Variants in MYMX observed in about 807,000 individuals in gnomAD.
MYMX encodes protein myomixer.
chr6:44,216,055 C>G (rs1479238782), upstream of MYMX, among the ~76,000 whole-genome samples: 3 of 152,170 alleles, frequency 2.0e-5, no homozygotes, highest in Non-Finnish European at 4.4e-5. Context: ...AGGGGGAATG[C>G]CACCCAGCTG....
At chr6:44,201,217 G>A in the MYMX span, among the ~76,000 whole-genome samples, 8 of 152,262 alleles carry the variant, frequency 5.3e-5, no homozygotes, top group African/African-American at 1.9e-4. Context: ...CCTCACTCAG[G>A]TAGGTGGTTT....
the MYMX span, among the ~76,000 whole-genome samples, chr6:44,200,965 C>T: frequency 6.6e-6 from 1 of 152,154 alleles, no homozygotes; most frequent in South Asian, 2.1e-4. Context: ...AACAACTGTT[C>T]TTGTGGATTG....
rs1000851430 is a variant in MYMX, at chr6:44,217,742, C to A, written c.*16C>A. Reference sequence around the variant, plus strand: ...CCAAAAGTGAGGCCACAAGTCCTGGCAGCAGCTGTATCCACAAAATGCTTT... The same window carrying A: ...CCAAAAGTGAGGCCACAAGTCCTGGAAGCAGCTGTATCCACAAAATGCTTT... On this transcript the variant is annotated 3_prime_UTR_variant, in exon 2 of 2. Coordinates refer to ENST00000573382, the MANE Select transcript of MYMX (RefSeq NM_001315494.2). 1 of 401,008 alleles carries A rather than the reference C, an allele frequency of 2.5e-6. No individual in the cohort carries two copies. The highest frequency in any genetic ancestry group is 4.4e-6 in the Non-Finnish European group (1 of 226,434). 24.8% of individuals were successfully genotyped at this position (401,008 alleles called of 1,614,324 possible).
chr6:44,216,671 AAG>A (rs1425182794), upstream of MYMX, among the ~76,000 whole-genome samples: 17,884 of 128,440 alleles, frequency 0.14, 1,523 homozygotes, highest in Middle Eastern at 0.25. Context: ...AAAAAAAAAA[AAG>A]AAGAAGAGAA....
At chr6:44,213,167 C>T (rs1385635453), upstream of MYMX, among the ~76,000 whole-genome samples, 4 of 152,112 alleles carry the variant, frequency 2.6e-5, no homozygotes, top group Admixed American at 6.5e-5. Flanking sequence ...GGGTGGATCA[C>T]GAGGTCAAGA....
the MYMX span, among the ~76,000 whole-genome samples, chr6:44,211,283 A>G: frequency 6.6e-6 from 1 of 152,270 alleles, no homozygotes; most frequent in Non-Finnish European, 1.5e-5. Context: ...ATGTGTAGTT[A>G]AAACTAGAAA....
upstream of MYMX, among the ~76,000 whole-genome samples, chr6:44,216,142 C>T (rs1177846311): frequency 2.6e-5 from 4 of 152,202 alleles, no homozygotes; most frequent in African/African-American, 9.6e-5. Flanking sequence ...CAGGGGCCTG[C>T]TTGGGTCCTA....
upstream of MYMX, among the ~76,000 whole-genome samples, chr6:44,214,927 C>T (rs769311205): frequency 6.6e-6 from 1 of 152,088 alleles, no homozygotes; most frequent in Non-Finnish European, 1.5e-5. Flanking sequence ...ATGTGTGTAC[C>T]CAATGCACCT....
the MYMX span, among the ~76,000 whole-genome samples, chr6:44,204,907 A>G: frequency 4.6e-5 from 7 of 152,204 alleles, no homozygotes; most frequent in Non-Finnish European, 8.8e-5. Flanking sequence ...AAGAACTTAG[A>G]AGGGTACCAA....
the MYMX span, among the ~76,000 whole-genome samples, chr6:44,197,474 A>T: frequency 3.3e-5 from 5 of 152,220 alleles, no homozygotes; most frequent in Admixed American, 6.5e-5. Flanking sequence ...CGGAGGTTGC[A>T]GTGAGCTGAG....
the MYMX span, among the ~76,000 whole-genome samples, chr6:44,202,206 C>T: frequency 1.3e-5 from 2 of 152,150 alleles, no homozygotes; most frequent in Admixed American, 1.3e-4. Context: ...TGTGTCTGTC[C>T]TCTTCACCAT....
At chr6:44,201,039 G>A in the MYMX span, among the ~76,000 whole-genome samples, 9 of 152,068 alleles carry the variant, frequency 5.9e-5, no homozygotes, top group Non-Finnish European at 1.2e-4. Context: ...GGCCCATTTT[G>A]CTCATGTCTT....
the MYMX span, among the ~76,000 whole-genome samples, chr6:44,199,208 AT>A: frequency 1.3e-5 from 2 of 151,718 alleles, no homozygotes. Context: ...TTCATTATTT[AT>A]TTTAGAGACA....
chr6:44,196,132 AGG>A, the MYMX span, among the ~76,000 whole-genome samples: 1 of 152,042 alleles, frequency 6.6e-6, no homozygotes, highest in Non-Finnish European at 1.5e-5. Flanking sequence ...TAGTAGAGAC[AGG>A]GTTTCACTAT....
upstream of MYMX, among the ~76,000 whole-genome samples, chr6:44,213,667 G>A (rs74738532): frequency 9.9e-5 from 15 of 152,228 alleles, no homozygotes; most frequent in East Asian, 1.9e-3. Flanking sequence ...TGATCTGCCC[G>A]CCTTGGCCTC....
upstream of MYMX, among the ~76,000 whole-genome samples, chr6:44,214,089 T>C (rs1031521501): frequency 6.6e-6 from 1 of 152,224 alleles, no homozygotes; most frequent in Non-Finnish European, 1.5e-5. Context: ...CTGAGTGAGA[T>C]GTGAGCCATT....
chr6:44,216,751 T>TC (rs561651535), upstream of MYMX, among the ~76,000 whole-genome samples: 24 of 150,870 alleles, frequency 1.6e-4, no homozygotes, highest in Middle Eastern at 3.5e-3. Context: ...TTCCCTCTCC[T>TC]CCCCCTAGAC....
the MYMX span, among the ~76,000 whole-genome samples, chr6:44,201,558 C>A: frequency 2.1e-4 from 32 of 152,286 alleles, no homozygotes; most frequent in South Asian, 6.6e-3. Flanking sequence ...GGGGCCACAG[C>A]CTCCGCAGGC....
the MYMX span, among the ~76,000 whole-genome samples, chr6:44,193,899 AC>A: frequency 6.6e-6 from 1 of 152,070 alleles, no homozygotes; most frequent in Non-Finnish European, 1.5e-5. Context: ...CAAGAGAATC[AC>A]TTGAACCCAG....
Sources: gnomAD v4.1 joint callset for allele counts (sites outside exome capture counted in the v4.1 genomes callset) on GRCh38, gnomAD v4.1.1 for gene constraint, MANE v1.5 for transcripts, NCBI Gene and HGNC (gene_info 2026-07-23, HGNC 2026-07-21) for gene names.